Variants in DUOX2 observed in about 807,000 individuals in gnomAD.
DUOX2 encodes the protein NADH/NADPH thyroid oxidase p138-tox.
Under a neutral mutation model 183.3 loss-of-function variants are expected in DUOX2, and 185 were observed. That is an observed-to-expected ratio of 1.01 (90% CI 0.90 to 1.14). DUOX2 has a LOEUF of 1.14. Ranked by LOEUF, DUOX2 falls within the 50% of genes most tolerant of loss-of-function variation. The pLI is 0.00. For missense variants in DUOX2, 1,999 were observed against 2,022.9 expected (o/e 0.99, Z 0.23); for synonymous variants, 788 against 812.4 (o/e 0.97, Z 0.51).
rs566008009 is a variant in DUOX2, at chr15:45,097,476, C to T, written c.3694-85G>A. 3.8e-5 allele frequency: 61 copies of T among 1,612,672 alleles called. 1 individual carries two copies. Among genetic ancestry groups the T allele is most frequent in the South Asian group, 2.9e-4 (26 of 91,016 alleles). On this transcript the variant is annotated intron_variant, in intron 28 of 33. Transcript: ENST00000389039. ...TCTTGCCCAGGCACTAGGCCTGTGC[C>T]GGGGAGATAGGGCTGAGGTCTGGGG... is the stretch of plus-strand genomic sequence containing the variant.
chr15:45,113,440 TG>T lies in DUOX2; in HGVS notation c.-14-16del. The T allele has an allele frequency of 6.4e-7, 1 of 1,551,092 alleles. No homozygotes were observed. On this transcript the variant is annotated splice_polypyrimidine_tract_variant and intron_variant, in intron 1 of 33. Transcript: ENST00000389039. The stretch of plus-strand genomic sequence containing the variant: ...AACCCTGCAGCCTGCGGGGTGAGGG[TG>T]GGGGTGGTAGGTGGTATGCGAAAGC...
intron 17 of DUOX2, 26 bp from the exon 18 acceptor site, chr15:45,105,854 C>T (rs749228365): frequency 1.8e-5 from 29 of 1,613,394 alleles, no homozygotes; most frequent in East Asian, 8.9e-5. Flanking sequence ...GCGGCACTGA[C>T]GCAGGGAGCT....
Position 45,109,581 on chromosome 15 carries a change from C to A in DUOX2, c.1177G>T (p.Gly393Ter). 1 of 1,614,110 alleles carries A rather than the reference C, an allele frequency of 6.2e-7. No homozygotes were observed. Among genetic ancestry groups the A allele is most frequent in the Non-Finnish European group, 8.5e-7 (1 of 1,180,018 alleles). The change falls in exon 11 of 34, where the codon GGA becomes TGA. Residue 393 changes from glycine to a stop codon, truncating the protein, a stop_gained. Coordinates refer to ENST00000389039, the MANE Select transcript of DUOX2 (RefSeq NM_001363711.2). LOFTEE classifies it high-confidence loss of function. ...STQEVNELLLGMASQISELED... is the reference protein window; with the variant it reads ...STQEVNELLL ...AACTCCGAAATCTGGGAGGCCATTC[C>A]CAGCAGCAGCTCATTCACCTCCTGG...
In DUOX2 at chr15:45,106,277, G is replaced by A. The variant is rs1231538526; in HGVS notation, c.1996C>T (p.Leu666=). The A allele has an allele frequency of 3.1e-6, 5 of 1,614,144 alleles. No homozygotes were observed. The South Asian group carries it at 5.5e-5, about 18-fold the overall frequency. The part of the protein sequence containing the change: ...KERSSPIIIQ[L]LSDRCLQVLN... ...ACCTGCAGACACCTGTCTGACAGCA[G>A]CTGGATGATGATGGGACTGCTCCTC... Residue 666 remains leucine (L), a synonymous_variant, in exon 17 of 34, where the codon CTG becomes TTG. Coordinates refer to ENST00000389039, the MANE Select transcript of DUOX2 (RefSeq NM_001363711.2).
At position 45,094,286 on chromosome 15, in the gene DUOX2, G is replaced by C. The variant is rs1027545728; in HGVS notation, c.4525-14C>G. On this transcript the variant is annotated splice_polypyrimidine_tract_variant and intron_variant, in intron 33 of 33. Coordinates refer to ENST00000389039, the MANE Select transcript of DUOX2 (RefSeq NM_001363711.2). Reference sequence around the variant, plus strand: ...GATCTTGCGCACCTGTCAGGAGATTGGAGAGAGAGAGGGGCCTGCAGCCTA... The same window carrying C: ...GATCTTGCGCACCTGTCAGGAGATTCGAGAGAGAGAGGGGCCTGCAGCCTA... 1 of 1,614,052 alleles carries C rather than the reference G, an allele frequency of 6.2e-7. No individual in the cohort carries two copies. The highest frequency in any genetic ancestry group is 8.5e-7 in the Non-Finnish European group (1 of 1,179,992).
At chr15:45,110,775 G>A in intron 7 of DUOX2, 65 bp from the exon 8 acceptor site, 1 of 1,609,776 alleles carries the variant, frequency 6.2e-7, no homozygotes, top group Non-Finnish European at 8.5e-7. Context: ...AAGGGTCTGA[G>A]CCCAAGGACG....
In DUOX2 at chr15:45,105,728, C is replaced by T; in HGVS notation, c.2249G>A (p.Ser750Asn). The change falls in exon 18 of 34, where the codon AGC becomes AAC. Residue 750 changes from serine to asparagine, a missense_variant. Physicochemically the swap from Ser to Asn is conservative, Grantham distance 46 (BLOSUM62 1). Transcript: ENST00000389039. ...WALGLHVAEM[S>N]EKELFRKAVT... Reference sequence around the variant, plus strand: ...AGCCTTCCTAAATAGCTCCTTCTCGCTCATCTCAGCCACATGGAGGCCCAG... The same window carrying T: ...AGCCTTCCTAAATAGCTCCTTCTCGTTCATCTCAGCCACATGGAGGCCCAG... 6.2e-7 allele frequency: 1 copy of T among 1,614,252 alleles called. No homozygotes were observed. Among genetic ancestry groups the T allele is most frequent in the East Asian group, 2.2e-5 (1 of 44,892 alleles).
chr15:45,109,836 G>C, intron 10 of DUOX2, 54 bp downstream of exon 10: 5 of 1,547,924 alleles, frequency 3.2e-6, no homozygotes, highest in Middle Eastern at 1.7e-4. Flanking sequence ...TTCCCAGCCT[G>C]TGTGAAGAGA....
At chr15:45,112,780 C>T (rs934767076) in intron 3 of DUOX2, 62 bp from the exon 4 acceptor site, 4 of 1,601,540 alleles carry the variant, frequency 2.5e-6, no homozygotes, top group Non-Finnish European at 2.5e-6. Flanking sequence ...CCCCAAACCT[C>T]TCCCTAAGCC....
rs138005153 is a variant in DUOX2, at chr15:45,113,327, G to A, written c.70+15C>T. On this transcript the variant is annotated intron_variant, in intron 2 of 33. Coordinates refer to ENST00000389039, the MANE Select transcript of DUOX2 (RefSeq NM_001363711.2). ...CCTGGGGAACACCCCGCCGCTAGAG[G>A]AGCCTGATACTTGCCCGATGGACCC... is the stretch of plus-strand genomic sequence containing the variant. 1.3e-6 allele frequency: 2 copies of A among 1,556,476 alleles called. No homozygotes were observed. Among genetic ancestry groups the A allele is most frequent in the Admixed American group, 1.9e-5 (1 of 51,862 alleles).
At position 45,108,098 on chromosome 15, in the gene DUOX2, A is replaced by G. The variant is rs1894272843; in HGVS notation, c.1523T>C (p.Phe508Ser). The change falls in exon 13 of 34, where the codon TTT becomes TCT. Residue 508 changes from phenylalanine (F) to serine (S), a missense_variant. Physicochemically the swap from Phe to Ser is radical, Grantham distance 155 (BLOSUM62 -2). Coordinates refer to ENST00000389039, the MANE Select transcript of DUOX2 (RefSeq NM_001363711.2). ...PLFSAIVLDQFVRLRDGDRYW... is the reference protein window; with the variant it reads ...PLFSAIVLDQSVRLRDGDRYW... ...GCGGTCACCATCCCGCAGCCGTACAAACTGGTCGAGGACAATGGCACTGAA... is the reference window on the plus strand; with the variant it reads ...GCGGTCACCATCCCGCAGCCGTACAGACTGGTCGAGGACAATGGCACTGAA... 6.2e-7 allele frequency: 1 copy of G among 1,613,984 alleles called. No homozygotes were observed. The highest frequency in any genetic ancestry group is 8.5e-7 in the Non-Finnish European group (1 of 1,180,014).
At chr15:45,112,786 A>T in intron 3 of DUOX2, 68 bp from the exon 4 acceptor site, 1 of 1,600,532 alleles carries the variant, frequency 6.2e-7, no homozygotes, top group Non-Finnish European at 8.5e-7. Context: ...ACCTCTCCCT[A>T]AGCCTCCCTC....
chr15:45,096,105 C>G (rs1893894692), intron 29 of DUOX2, 45 bp from the exon 30 acceptor site: 6 of 1,539,716 alleles, frequency 3.9e-6, no homozygotes, highest in Non-Finnish European at 5.4e-6. Context: ...AAGGCCTGCT[C>G]CTGGTACCTG....
intron 29 of DUOX2, 84 bp from the exon 30 acceptor site, chr15:45,096,144 A>G: frequency 8.4e-7 from 1 of 1,184,626 alleles, no homozygotes; most frequent in South Asian, 1.2e-5. Flanking sequence ...TCCTCTTCAC[A>G]CCCCTGAGGC....
At chr15:45,109,770 C>G in intron 10 of DUOX2, 120 bp downstream of exon 10, 2 of 1,295,668 alleles carry the variant, frequency 1.5e-6, no homozygotes, top group South Asian at 2.4e-5. Context: ...ATTTCCTCTA[C>G]CCTTCATCTC....
In DUOX2 at chr15:45,097,220, T is replaced by C. The variant is rs1222090958; in HGVS notation, c.3847+18A>G. On this transcript the variant is annotated intron_variant, in intron 29 of 33. Coordinates refer to ENST00000389039, the MANE Select transcript of DUOX2 (RefSeq NM_001363711.2). ...TGGCCTCTGTCGCTCCCGACCCAGGTCAGGCTGGGCCTGATACCTGAGGGC... is the reference window on the plus strand; with the variant it reads ...TGGCCTCTGTCGCTCCCGACCCAGGCCAGGCTGGGCCTGATACCTGAGGGC... 3 of 1,613,944 alleles carry C rather than the reference T, an allele frequency of 1.9e-6. No individual in the cohort carries two copies. Among genetic ancestry groups the C allele is most frequent in the Non-Finnish European group, 2.5e-6 (3 of 1,180,030 alleles).
Position 45,101,231 on chromosome 15 carries a change from C to A in DUOX2, c.2895G>T (p.Ser965=). The A allele has an allele frequency of 6.2e-7, 1 of 1,604,622 alleles. No individual in the cohort carries two copies. The highest frequency in any genetic ancestry group is 8.5e-7 in the Non-Finnish European group (1 of 1,173,298). ...GCTCCCCAGGTGTCCGAGTGATGAA[C>A]GAGACTCGACAGCTGATGTTTTGTT... ...IFKQNISCRV[S]FITRTPGERS... is the part of the protein sequence containing the mutation. The change falls in exon 22 of 34, where the codon TCG becomes TCT. Residue 965 remains serine, a synonymous_variant. Transcript: ENST00000389039.
In DUOX2 at chr15:45,112,680, C is replaced by T. The variant is rs1255757517; in HGVS notation, c.199G>A (p.Asp67Asn). Reference protein sequence around the residue: ...LQRRVPANYADGVYQALEEPQ... With the variant: ...LQRRVPANYANGVYQALEEPQ... ...TCCTCCAGAGCCTGATACACACCGTCGGCGTAATTGGCTGGTACGCGGCGC... is the reference window on the plus strand; with the variant it reads ...TCCTCCAGAGCCTGATACACACCGTTGGCGTAATTGGCTGGTACGCGGCGC... Residue 67 changes from aspartate to asparagine, a missense_variant, in exon 4 of 34, where the codon GAC becomes AAC. Physicochemically the swap from Asp to Asn is conservative, Grantham distance 23. Around this residue, in one of 3 missense-constraint regions of DUOX2, gnomAD observed 356 missense variants for 356.4 expected, o/e 1.00. Coordinates refer to ENST00000389039, the MANE Select transcript of DUOX2 (RefSeq NM_001363711.2). 1.2e-6 allele frequency: 2 copies of T among 1,612,732 alleles called. No homozygotes were observed. Among genetic ancestry groups the T allele is most frequent in the Non-Finnish European group, 8.5e-7 (1 of 1,179,914 alleles).
chr15:45,108,977 A>G (rs376674287), intron 11 of DUOX2, 25 bp from the exon 12 acceptor site: 39 of 1,613,574 alleles, frequency 2.4e-5, no homozygotes, highest in Non-Finnish European at 3.3e-5. Flanking sequence ...AGACTAGACT[A>G]TGGGCTTTGT....
Sources: gnomAD v4.1 joint callset for allele counts on GRCh38, gnomAD v4.1.1 for gene constraint, gnomAD v4.1.1 regional missense constraint, MANE v1.5 for transcripts, NCBI Gene and HGNC (gene_info 2026-07-23, HGNC 2026-07-21) for gene names.